GRAMD1B: variants seen among roughly 807,000 people sequenced by gnomAD.
The protein encoded by GRAMD1B is GRAM domain containing 1B, also known as protein Aster-B.
In GRAMD1B, 37 loss-of-function variants were observed where a neutral mutation model predicts 99.7. The observed-to-expected ratio is 0.37, with a 90% CI of 0.29 to 0.49. The LOEUF (loss-of-function observed/expected upper bound fraction) is 0.49. Ranked by LOEUF, GRAMD1B falls within the 20% of genes least tolerant of loss-of-function variation. The pLI is 0.98. For synonymous variants in GRAMD1B, 427 were observed against 387.6 expected (o/e 1.10, Z -1.19); for missense variants, 888 against 1,009.2 (o/e 0.88, Z 1.63).
intron 2 of GRAMD1B, among the ~76,000 whole-genome samples, chr11:123,486,571 A>C (rs1207628120): frequency 1.6e-5 from 2 of 127,894 alleles, no homozygotes; most frequent in African/African-American, 6.5e-5. Flanking sequence ...AAAAAAAAAC[A>C]AAAAGAAAAA....
At chr11:123,504,001 G>A (rs2135203073) in intron 2 of GRAMD1B, among the ~76,000 whole-genome samples, 2 of 152,328 alleles carry the variant, frequency 1.3e-5, no homozygotes, top group South Asian at 4.1e-4. Context: ...TAAATAATGT[G>A]CTAGAGTTTG....
intron 2 of GRAMD1B, among the ~76,000 whole-genome samples, chr11:123,549,223 T>C (rs1200592763): frequency 6.6e-6 from 1 of 152,132 alleles, no homozygotes; most frequent in Non-Finnish European, 1.5e-5. Flanking sequence ...CTGCATCTTC[T>C]TAACACTTGC....
intron 2 of GRAMD1B, among the ~76,000 whole-genome samples, chr11:123,552,549 C>A (rs1442534360): frequency 6.7e-6 from 1 of 149,654 alleles, no homozygotes; most frequent in Non-Finnish European, 1.5e-5. Flanking sequence ...CTGCGCTCAG[C>A]CTGTCTTCTC....
At position 123,626,482 on chromosome 11, in the gene GRAMD1B, G is replaced by C. The variant is rs891921219; in HGVS notation, c.*3887G>C. The stretch of plus-strand genomic sequence containing the variant: ...TTCTGGATGCTTGTGGTCCCAGAAG[G>C]GTACTTTCTGTGTCATACCATGCCA... On this transcript the variant is annotated 3_prime_UTR_variant, in exon 20 of 20. Transcript: ENST00000635736. 2.0e-5 allele frequency: 3 copies of C among 152,052 alleles called. No individual in the cohort carries two copies. The highest frequency in any genetic ancestry group is 4.4e-5 in the Non-Finnish European group (3 of 68,026). The allele number at this position is 152,052 out of a possible 1,614,324, so 9.4% of individuals were successfully genotyped here.
chr11:123,588,693 C>T (rs554127896), intron 4 of GRAMD1B, among the ~76,000 whole-genome samples: 1 of 152,264 alleles, frequency 6.6e-6, no homozygotes, highest in South Asian at 2.1e-4. Flanking sequence ...AGAGTGTTGG[C>T]AGCAACCAGG....
At chr11:123,493,018 G>A (rs1938771467) in intron 2 of GRAMD1B, among the ~76,000 whole-genome samples, 1 of 152,122 alleles carries the variant, frequency 6.6e-6, no homozygotes. Context: ...CTCTGGTACC[G>A]ATATTCAGCG....
intron 1 of GRAMD1B, among the ~76,000 whole-genome samples, chr11:123,443,066 C>T (rs1949483815): frequency 6.6e-6 from 1 of 152,122 alleles, no homozygotes; most frequent in Non-Finnish European, 1.5e-5. Flanking sequence ...TTGTGCCAAC[C>T]TCCTATCTTA....
At chr11:123,605,596 C>G (rs1226362049) in intron 10 of GRAMD1B, 118 bp downstream of exon 10, 1 of 799,300 alleles carries the variant, frequency 1.3e-6, no homozygotes. Context: ...ACATTGTTGT[C>G]AGTTTCTTCA....
At chr11:123,518,431 A>AAG (rs936979056) in intron 2 of GRAMD1B, among the ~76,000 whole-genome samples, 2 of 151,922 alleles carry the variant, frequency 1.3e-5, no homozygotes, top group African/African-American at 4.8e-5. Context: ...AAACAGGGGG[A>AAG]AGAGAGAGAG....
In GRAMD1B at chr11:123,600,557, G is replaced by T. The variant is rs141277803; in HGVS notation, c.1050+9G>T. On this transcript the variant is annotated intron_variant, in intron 8 of 19. Transcript: ENST00000635736. ...ATGCTCTCCTTGAAAAGGTAAGTACGGCCGAGTTTGCTTTTACTGTGGGAC... is the reference window on the plus strand; with the variant it reads ...ATGCTCTCCTTGAAAAGGTAAGTACTGCCGAGTTTGCTTTTACTGTGGGAC... The T allele has an allele frequency of 1.3e-6, 2 of 1,592,234 alleles. No individual in the cohort carries two copies. Among genetic ancestry groups the T allele is most frequent in the South Asian group, 2.2e-5 (2 of 90,200 alleles).
Position 123,431,203 on chromosome 11 carries a change from C to G in GRAMD1B, c.374+37C>G, listed in dbSNP as rs982525362. 1.0e-5 allele frequency: 7 copies of G among 675,866 alleles called. No individual in the cohort carries two copies. The Admixed American group carries it at 1.5e-4, about 14-fold the overall frequency. 41.9% of individuals were successfully genotyped at this position (675,866 alleles called of 1,614,324 possible). On this transcript the variant is annotated intron_variant, in intron 1 of 19. Transcript: ENST00000635736. ...TTCCGCCCGTCTCCTTCCCTTCCCT[C>G]CCGTCCTCTCCAGAGCCGTCCAGGG...
intron 2 of GRAMD1B, among the ~76,000 whole-genome samples, chr11:123,563,410 C>T (rs543322551): frequency 6.6e-6 from 1 of 151,964 alleles, no homozygotes; most frequent in Non-Finnish European, 1.5e-5. Flanking sequence ...AGGATAGGAA[C>T]AGAGGGAGGG....
intron 1 of GRAMD1B, among the ~76,000 whole-genome samples, chr11:123,423,893 G>A (rs938253118): frequency 1.3e-5 from 2 of 152,132 alleles, no homozygotes; most frequent in African/African-American, 4.8e-5. Context: ...CTGGGATTTT[G>A]TGGGTGAAGC....
At chr11:123,392,688 G>A (rs193119493) in intron 1 of GRAMD1B, among the ~76,000 whole-genome samples, 5 of 152,018 alleles carry the variant, frequency 3.3e-5, no homozygotes, top group Admixed American at 6.5e-5. Context: ...GCAGTGCTTG[G>A]GTGACTGTTG....
chr11:123,476,918 A>G (rs1951305234), intron 1 of GRAMD1B, among the ~76,000 whole-genome samples: 1 of 152,202 alleles, frequency 6.6e-6, no homozygotes, highest in African/African-American at 2.4e-5. Context: ...ATAGCACTTA[A>G]TACATAGTAT....
At chr11:123,547,820 A>G (rs1945165946) in intron 2 of GRAMD1B, among the ~76,000 whole-genome samples, 1 of 152,210 alleles carries the variant, frequency 6.6e-6, no homozygotes, top group Non-Finnish European at 1.5e-5. Context: ...TGGGATTAGT[A>G]CATTCCTTCA....
At chr11:123,419,698 A>AGTGTGTGT (rs3222403) in intron 1 of GRAMD1B, among the ~76,000 whole-genome samples, 5 of 134,102 alleles carry the variant, frequency 3.7e-5, no homozygotes, top group Admixed American at 7.6e-5. Context: ...GGAATTTCTA[A>AGTGTGTGT]GTGTGTGTGT....
chr11:123,442,865 CCA>C (rs1491052932), intron 1 of GRAMD1B, among the ~76,000 whole-genome samples: 4 of 151,832 alleles, frequency 2.6e-5, no homozygotes, highest in African/African-American at 9.7e-5. Flanking sequence ...ATGCCCCCCC[CCA>C]CCCCTTTTAG....
chr11:123,443,758 T>G (rs750691817), intron 1 of GRAMD1B, among the ~76,000 whole-genome samples: 24 of 152,158 alleles, frequency 1.6e-4, no homozygotes, highest in Non-Finnish European at 3.2e-4. Flanking sequence ...AATTTTTGTA[T>G]TTTTAGTAGA....
Sources: gnomAD v4.1 joint callset for allele counts (sites outside exome capture counted in the v4.1 genomes callset) on GRCh38, gnomAD v4.1.1 for gene constraint, MANE v1.5 for transcripts, NCBI Gene and HGNC (gene_info 2026-07-23, HGNC 2026-07-21) for gene names.